Variants in PKHD1 observed in about 807,000 individuals in gnomAD.
The protein encoded by PKHD1 is PKHD1 ciliary IPT domain containing fibrocystin/polyductin, also known as fibrocystin.
A neutral mutation model predicts 412.0 loss-of-function variants in PKHD1; 291 were observed. The observed-to-expected ratio is 0.71, with a 90% CI of 0.64 to 0.78. PKHD1 has a LOEUF of 0.78. Among genes scored for constraint, PKHD1 ranks in the 30% least tolerant of loss-of-function variants. The pLI is 0.00. For missense variants in PKHD1, 4,825 were observed against 4,950.7 expected (o/e 0.97, Z 0.76); for synonymous variants, 1,777 against 1,821.5 (o/e 0.98, Z 0.62).
intron 60 of PKHD1, among the ~76,000 whole-genome samples, chr6:51,729,322 C>G (rs1215839927): frequency 6.6e-6 from 1 of 152,096 alleles, no homozygotes; most frequent in African/African-American, 2.4e-5. Context: ...TGTTCTTTTC[C>G]TTGACACACT....
chr6:51,858,024 C>A (rs577596330), intron 48 of PKHD1, among the ~76,000 whole-genome samples: 1 of 152,076 alleles, frequency 6.6e-6, no homozygotes, highest in East Asian at 1.9e-4. Flanking sequence ...CCACCCTTCC[C>A]CACCCACCCC....
intron 63 of PKHD1, among the ~76,000 whole-genome samples, chr6:51,640,786 GA>G (rs1769243035): frequency 6.6e-6 from 1 of 152,074 alleles, no homozygotes; most frequent in Non-Finnish European, 1.5e-5. Flanking sequence ...AAGTATTAAG[GA>G]CTTTTTTGTG....
At chr6:51,955,322 C>T (rs1439119621) in intron 36 of PKHD1, among the ~76,000 whole-genome samples, 8 of 151,988 alleles carry the variant, frequency 5.3e-5, no homozygotes, top group African/African-American at 1.9e-4. Context: ...GCTCTTATCA[C>T]AGTCACAAAA....
At chr6:51,774,631 T>C (rs969149802) in intron 54 of PKHD1, among the ~76,000 whole-genome samples, 8 of 151,924 alleles carry the variant, frequency 5.3e-5, no homozygotes, top group Non-Finnish European at 1.2e-4. Flanking sequence ...ATGACAATAG[T>C]TATATATTAT....
At chr6:52,002,015 G>A (rs1289267744) in intron 35 of PKHD1, among the ~76,000 whole-genome samples, 1 of 152,176 alleles carries the variant, frequency 6.6e-6, no homozygotes, top group Non-Finnish European at 1.5e-5. Flanking sequence ...TGCGTTAAGT[G>A]CACTACATGC....
intron 60 of PKHD1, among the ~76,000 whole-genome samples, chr6:51,671,789 C>G (rs1270030897): frequency 6.6e-6 from 1 of 152,108 alleles, no homozygotes; most frequent in Non-Finnish European, 1.5e-5. Flanking sequence ...AGCTGCAGGT[C>G]TGTTGGGGTA....
chr6:51,954,049 A>T (rs1351560082), intron 36 of PKHD1, among the ~76,000 whole-genome samples: 1 of 152,138 alleles, frequency 6.6e-6, no homozygotes, highest in East Asian at 1.9e-4. Flanking sequence ...CTTTGTATAT[A>T]GAAGCAGCCA....
chr6:51,649,020 AAGAT>A (rs1354828860), intron 62 of PKHD1, 61 bp downstream of exon 62: 6 of 1,499,192 alleles, frequency 4.0e-6, no homozygotes, highest in African/African-American at 1.4e-5. Context: ...CACACTCTAA[AAGAT>A]AGGCTGAATG....
chr6:51,685,913 T>A (rs1777362855), intron 60 of PKHD1, among the ~76,000 whole-genome samples: 1 of 152,172 alleles, frequency 6.6e-6, no homozygotes, highest in Non-Finnish European at 1.5e-5. Flanking sequence ...CTATACCTCC[T>A]ATGCAGACAC....
intron 55 of PKHD1, among the ~76,000 whole-genome samples, chr6:51,760,562 T>C (rs1054267108): frequency 5.3e-5 from 8 of 152,070 alleles, no homozygotes; most frequent in African/African-American, 1.7e-4. Context: ...AAGGAGGAGA[T>C]GCAAGAATAC....
intron 35 of PKHD1, among the ~76,000 whole-genome samples, chr6:51,994,739 G>A (rs1373336039): frequency 6.6e-6 from 1 of 152,052 alleles, no homozygotes; most frequent in African/African-American, 2.4e-5. Flanking sequence ...ACGCCACTAT[G>A]CCCAGCTACT....
intron 17 of PKHD1, 32 bp from the exon 18 acceptor site, chr6:52,056,820 A>C: frequency 6.3e-7 from 1 of 1,593,996 alleles, no homozygotes; most frequent in South Asian, 1.1e-5. Context: ...CCAGGAATTT[A>C]TATCATGAGC....
At chr6:51,772,843 G>C in intron 54 of PKHD1, 54 bp from the exon 55 acceptor site, 1 of 990,842 alleles carries the variant, frequency 1.0e-6, no homozygotes, top group South Asian at 1.3e-5. Context: ...AGGAATGAAA[G>C]CCAGGTAAGT....
At chr6:51,869,458 T>C (rs923296160) in intron 47 of PKHD1, among the ~76,000 whole-genome samples, 1 of 152,122 alleles carries the variant, frequency 6.6e-6, no homozygotes, top group East Asian at 1.9e-4. Flanking sequence ...AGTGCCTAGA[T>C]CAAGAGTTCC....
intron 37 of PKHD1, among the ~76,000 whole-genome samples, chr6:51,913,830 A>T (rs973576099): frequency 1.3e-5 from 2 of 152,116 alleles, no homozygotes; most frequent in African/African-American, 4.8e-5. Flanking sequence ...CTTGGGCAAT[A>T]ATTTTGTCTT....
At chr6:51,746,970 G>A in intron 58 of PKHD1, 81 bp from the exon 59 acceptor site, 1 of 859,674 alleles carries the variant, frequency 1.2e-6, no homozygotes, top group Non-Finnish European at 1.8e-6. Context: ...ACTAAATATT[G>A]TTATAATAAT....
intron 35 of PKHD1, among the ~76,000 whole-genome samples, chr6:51,981,398 C>A (rs543620042): frequency 7.4e-6 from 1 of 134,364 alleles, no homozygotes; most frequent in African/African-American, 2.9e-5. Flanking sequence ...GATGCCGAGC[C>A]AAGGCTGGAC....
At position 52,048,616 on chromosome 6, in the gene PKHD1, AGAGCTGT is replaced by A; in HGVS notation, c.2280-4_2282del. On this transcript the variant is annotated splice_acceptor_variant and splice_polypyrimidine_tract_variant and coding_sequence_variant and intron_variant, in exon 23 of 67. Coordinates refer to ENST00000371117, the MANE Select transcript of PKHD1 (RefSeq NM_138694.4). LOFTEE classifies it high-confidence loss of function. Reference sequence around the variant, plus strand: ...CCTCTTCTGTTCCTTCAGTGGGCACAGAGCTGTGGCACGTCAGAAACAAAGTATTAAC... The same window carrying A: ...CCTCTTCTGTTCCTTCAGTGGGCACAGGCACGTCAGAAACAAAGTATTAAC... The A allele has an allele frequency of 6.2e-7, 1 of 1,614,142 alleles. No individual in the cohort carries two copies. Among genetic ancestry groups the A allele is most frequent in the Non-Finnish European group, 8.5e-7 (1 of 1,180,000 alleles).
intron 29 of PKHD1, among the ~76,000 whole-genome samples, chr6:52,028,758 T>C (rs1441158749): frequency 6.6e-6 from 1 of 152,200 alleles, no homozygotes; most frequent in East Asian, 1.9e-4. Context: ...CCAATCTGCC[T>C]GCCTTGGCCT....
Sources: allele counts gnomAD v4.1 joint callset (sites outside exome capture counted in the v4.1 genomes callset), GRCh38; gene constraint gnomAD v4.1.1; transcripts MANE v1.5; gene names NCBI Gene and HGNC (gene_info 2026-07-23, HGNC 2026-07-21).